Variants in ARK2C observed in about 807,000 individuals in gnomAD.
The protein encoded by ARK2C is arkadia (RNF111) C-terminal like ring finger ubiquitin ligase 2C.
chr18:46,334,713 TGTGAGAGAGA>T, the ARK2C span: 262 of 98,386 alleles, frequency 2.7e-3, no homozygotes, highest in African/African-American at 7.3e-3. This position sits in a 1 kb window ranked among gnomAD's most constrained non-coding sequence, Gnocchi z 4.4. Flanking sequence ...TGTGTGTGTG[TGTGAGAGAGA>T]GAGAGAGCGC....
chr18:46,459,188 G>C, the ARK2C span: 2 of 152,272 alleles, frequency 1.3e-5, no homozygotes, highest in Admixed American at 1.3e-4. Context: ...GAGGGAGTCA[G>C]TGGGGAGGCC....
chr18:46,456,735 G>C, the ARK2C span: 1 of 836,226 alleles, frequency 1.2e-6, no homozygotes, highest in Non-Finnish European at 2.1e-6. Flanking sequence ...ATTTGACGTA[G>C]AGGAAAAGCC....
the ARK2C span, among the ~76,000 whole-genome samples, chr18:46,359,729 CCTT>C: frequency 6.6e-6 from 1 of 152,200 alleles, no homozygotes; most frequent in Non-Finnish European, 1.5e-5. Flanking sequence ...GACCCAGGCT[CCTT>C]CTACTTATTG....
At chr18:46,386,005 G>C in the ARK2C span, 5 of 152,218 alleles carry the variant, frequency 3.3e-5, no homozygotes, top group African/African-American at 1.2e-4. Context: ...GTCTCCGGAA[G>C]GGAGTTGCTT....
At chr18:46,375,278 C>CTGGGATG in the ARK2C span, among the ~76,000 whole-genome samples, 1,960 of 152,150 alleles carry the variant, frequency 0.013, 39 homozygotes, top group African/African-American at 0.045. Flanking sequence ...CCTGGCCGGG[C>CTGGGATG]ACAGTGGCTC....
At chr18:46,384,321 G>A in the ARK2C span, among the ~76,000 whole-genome samples, 5 of 152,200 alleles carry the variant, frequency 3.3e-5, no homozygotes, top group South Asian at 2.1e-4. Flanking sequence ...CAGTCTTCCC[G>A]AGGACATGCA....
At chr18:46,351,572 C>T in the ARK2C span, among the ~76,000 whole-genome samples, 4 of 152,228 alleles carry the variant, frequency 2.6e-5, no homozygotes, top group Admixed American at 2.6e-4. Flanking sequence ...TAAGCCCAGC[C>T]CCTTCCTGCT....
At chr18:46,335,770 C>A in the ARK2C span, 1 of 413,952 alleles carries the variant, frequency 2.4e-6, no homozygotes, top group Non-Finnish European at 3.3e-6. Context: ...GCGCCTCTCC[C>A]CAGAACCTAA....
the ARK2C span, among the ~76,000 whole-genome samples, chr18:46,448,761 G>A: frequency 6.6e-6 from 1 of 152,164 alleles, no homozygotes; most frequent in African/African-American, 2.4e-5. Flanking sequence ...GGGCCTTTGG[G>A]CTCCTGACAT....
chr18:46,361,981 C>T, the ARK2C span, among the ~76,000 whole-genome samples: 70 of 152,364 alleles, frequency 4.6e-4, no homozygotes, highest in South Asian at 0.014. Flanking sequence ...GATAATAGCT[C>T]ATTTATATCC....
chr18:46,356,267 A>G, the ARK2C span, among the ~76,000 whole-genome samples: 1 of 152,240 alleles, frequency 6.6e-6, no homozygotes, highest in Admixed American at 6.5e-5. Flanking sequence ...GCAGCATTGA[A>G]CAATCACCTG....
chr18:46,404,870 T>C, the ARK2C span, among the ~76,000 whole-genome samples: 2 of 151,732 alleles, frequency 1.3e-5, no homozygotes, highest in East Asian at 1.9e-4. Context: ...CATTTTAGAG[T>C]TGGAGAAACA....
At chr18:46,396,676 G>A in the ARK2C span, among the ~76,000 whole-genome samples, 92 of 152,268 alleles carry the variant, frequency 6.0e-4, no homozygotes, top group African/African-American at 2.1e-3. Flanking sequence ...TTCACTTCTC[G>A]GCCTGGCTGT....
chr18:46,409,723 G>C, the ARK2C span, among the ~76,000 whole-genome samples: 1 of 152,284 alleles, frequency 6.6e-6, no homozygotes, highest in Admixed American at 6.5e-5. Flanking sequence ...CTCCCCTTTT[G>C]TAAAAGGGAG....
chr18:46,401,617 C>T, the ARK2C span, among the ~76,000 whole-genome samples: 1 of 152,166 alleles, frequency 6.6e-6, no homozygotes, highest in African/African-American at 2.4e-5. Flanking sequence ...GAAACTGGGT[C>T]TCACTCCCTC....
the ARK2C span, chr18:46,435,419 G>A: frequency 2.7e-6 from 4 of 1,492,438 alleles, no homozygotes; most frequent in African/African-American, 2.8e-5. Flanking sequence ...GGCCCCTGGG[G>A]GAGGAAGGGA....
the ARK2C span, among the ~76,000 whole-genome samples, chr18:46,391,814 A>G: frequency 6.6e-6 from 1 of 151,846 alleles, no homozygotes; most frequent in Non-Finnish European, 1.5e-5. Flanking sequence ...CAACCACAAC[A>G]CACATATAAC....
the ARK2C span, among the ~76,000 whole-genome samples, chr18:46,434,795 C>T: frequency 6.6e-6 from 1 of 152,032 alleles, no homozygotes; most frequent in Non-Finnish European, 1.5e-5. Flanking sequence ...GTCACCATGA[C>T]CTGGGATGTT....
chr18:46,375,112 T>G, the ARK2C span, among the ~76,000 whole-genome samples: 6 of 152,334 alleles, frequency 3.9e-5, no homozygotes, highest in South Asian at 1.2e-3. Context: ...TATCTGCATC[T>G]GCCTGAGTCT....
Sources: gnomAD v4.1 joint callset for allele counts (sites outside exome capture counted in the v4.1 genomes callset) on GRCh38, gnomAD v4.1.1 for gene constraint, Gnocchi (gnomAD v3.1) non-coding constraint, MANE v1.5 for transcripts, NCBI Gene and HGNC (gene_info 2026-07-23, HGNC 2026-07-21) for gene names.